The following PPP2R2C variants were observed in gnomAD, a reference collection of about 807,000 sequenced individuals.
PPP2R2C encodes protein phosphatase 2 regulatory subunit Bgamma.
In PPP2R2C, 10 loss-of-function variants were observed where a neutral mutation model predicts 45.3. That is an observed-to-expected ratio of 0.22 (90% CI 0.14 to 0.37). The LOEUF (loss-of-function observed/expected upper bound fraction) is 0.37. Among genes scored for constraint, PPP2R2C ranks in the 10% least tolerant of loss-of-function variants. The pLI, the probability that PPP2R2C is intolerant of heterozygous loss-of-function variation, is 1.00. For missense variants in PPP2R2C, 308 were observed against 619.7 expected (o/e 0.50, Z 5.34); for synonymous variants, 257 against 245.4 (o/e 1.05, Z -0.44).
intron 2 of PPP2R2C, among the ~76,000 whole-genome samples, chr4:6,501,290 G>A (rs1016759295): frequency 1.3e-5 from 2 of 152,172 alleles, no homozygotes; most frequent in Admixed American, 6.5e-5. Context: ...CTCTGATAGT[G>A]GGACCTGATG....
At chr4:6,524,470 G>A (rs982441972) in intron 2 of PPP2R2C, among the ~76,000 whole-genome samples, 5 of 152,188 alleles carry the variant, frequency 3.3e-5, no homozygotes, top group South Asian at 4.1e-4. Context: ...AACGATTCAC[G>A]AATCAGCTGC....
At chr4:6,473,154 G>C (rs1722006056), upstream of PPP2R2C, among the ~76,000 whole-genome samples, 1 of 152,148 alleles carries the variant, frequency 6.6e-6, no homozygotes, top group African/African-American at 2.4e-5. Context: ...GAAATGGCTG[G>C]AGGGGTGATT....
intron 1 of PPP2R2C, among the ~76,000 whole-genome samples, chr4:6,394,874 A>G (rs993223350): frequency 1.3e-5 from 2 of 152,216 alleles, no homozygotes; most frequent in Non-Finnish European, 2.9e-5. Context: ...CGTGTCCATC[A>G]GCCCCCTTCC....
Position 6,373,900 on chromosome 4 carries a change from C to CGTGTGTGT in PPP2R2C, c.448-1201_448-1200insACACACAC, listed in dbSNP as rs1560492609. Among the ~76,000 whole-genome samples the CGTGTGTGT allele has an allele frequency of 5.9e-3, 731 of 123,876 alleles. 2 individuals carry two copies. The highest frequency in any genetic ancestry group is 0.014 in the African/African-American group (409 of 29,110). The allele number at this position is 123,876 out of a possible 152,430, so 81.3% of individuals were successfully genotyped here. On this transcript the variant is annotated intron_variant, in intron 4 of 8. Coordinates refer to ENST00000382599, the MANE Select transcript of PPP2R2C (RefSeq NM_020416.4). ...GACTGAGTATACGTGTATGTGCATGCATGTGTGTGTGTGTGTGTGTGTGTG... is the reference window on the plus strand; with the variant it reads ...GACTGAGTATACGTGTATGTGCATGCGTGTGTGTATGTGTGTGTGTGTGTGTGTGTGTG...
chr4:6,397,377 T>G (rs1302487256), intron 1 of PPP2R2C, among the ~76,000 whole-genome samples: 2 of 152,052 alleles, frequency 1.3e-5, no homozygotes, highest in Admixed American at 1.3e-4. Context: ...ATAAACAGAA[T>G]ATTGTTGCCT....
chr4:6,451,794 A>G (rs980244282), intron 1 of PPP2R2C, among the ~76,000 whole-genome samples: 1 of 152,032 alleles, frequency 6.6e-6, no homozygotes, highest in Admixed American at 6.6e-5. Flanking sequence ...GGGGCCCAAT[A>G]AATGACACCC....
At chr4:6,327,609 G>A (rs1732052910) in intron 8 of PPP2R2C, among the ~76,000 whole-genome samples, 1 of 152,216 alleles carries the variant, frequency 6.6e-6, no homozygotes, top group African/African-American at 2.4e-5. Context: ...ACTGCACCAG[G>A]GAACCCCAAA....
chr4:6,349,646 C>A (rs1712346187), intron 5 of PPP2R2C: 1 of 911,520 alleles, frequency 1.1e-6, no homozygotes, highest in Admixed American at 6.2e-5. Flanking sequence ...CGAGACCATT[C>A]TGGCCAACAC....
chr4:6,515,262 T>C (rs1485580566), intron 2 of PPP2R2C, among the ~76,000 whole-genome samples: 1 of 152,094 alleles, frequency 6.6e-6, no homozygotes, highest in Non-Finnish European at 1.5e-5. Context: ...GCAAAATACT[T>C]CTCTTGTTTG....
At chr4:6,349,057 CCAG>C (rs1712284158) in intron 5 of PPP2R2C, 5 of 985,444 alleles carry the variant, frequency 5.1e-6, no homozygotes, top group Non-Finnish European at 6.0e-6. Context: ...TCCCTGCTGC[CCAG>C]CAGCAGATCA....
chr4:6,543,263 A>G (rs1724865835), intron 1 of PPP2R2C, among the ~76,000 whole-genome samples: 1 of 152,118 alleles, frequency 6.6e-6, no homozygotes, highest in Non-Finnish European at 1.5e-5. Flanking sequence ...CCTCTGCCCA[A>G]TCCTGCTGCC....
At chr4:6,512,650 C>CTATGGTGGTAGTGGTGG (rs1723700607) in intron 2 of PPP2R2C, among the ~76,000 whole-genome samples, 1 of 12,994 alleles carries the variant, frequency 7.7e-5, no homozygotes, top group Non-Finnish European at 2.7e-4. Context: ...GGTGATGGTG[C>CTATGGTGGTAGTGGTGG]TGATGGTGGT....
At chr4:6,446,449 T>C (rs1263423418) in intron 1 of PPP2R2C, among the ~76,000 whole-genome samples, 3 of 152,070 alleles carry the variant, frequency 2.0e-5, no homozygotes, top group Non-Finnish European at 4.4e-5. Context: ...AGACGGATCC[T>C]TGCAAAGATC....
chr4:6,451,555 A>G lies in PPP2R2C; in HGVS notation c.70+20605T>C, dbSNP rs563875583. 5.9e-5 allele frequency among the ~76,000 whole-genome samples: 9 copies of G among 151,700 alleles called. No individual in the cohort carries two copies. In the South Asian group the frequency reaches 1.9e-3, roughly 32 times the overall value. On this transcript the variant is annotated intron_variant, in intron 1 of 8. Coordinates refer to ENST00000382599, the MANE Select transcript of PPP2R2C (RefSeq NM_020416.4). ...TTTGCCAGCTTCTCTCGGGGAGGGG[A>G]CCTGGGTTATAAATCCATCCAGCCT...
rs1484068857 is a variant in PPP2R2C, at chr4:6,423,501, G to A, written c.71-42407C>T. ...TTATAGGCATTAGCCACCACACCCG[G>A]CCCCCACTAGGGATATTTTGGAAAC... On this transcript the variant is annotated intron_variant, in intron 1 of 8. Transcript: ENST00000382599. Among the ~76,000 whole-genome samples the A allele has an allele frequency of 3.3e-5, 5 of 152,212 alleles. No individual in the cohort carries two copies. The East Asian group carries it at 9.6e-4, about 29-fold the overall frequency.
intron 1 of PPP2R2C, among the ~76,000 whole-genome samples, chr4:6,436,371 T>G (rs1458426602): frequency 6.6e-6 from 1 of 152,236 alleles, no homozygotes; most frequent in Non-Finnish European, 1.5e-5. Context: ...TGTCTGAGCT[T>G]TACAGCCATG....
At chr4:6,374,754 C>T (rs1215679518) in intron 4 of PPP2R2C, among the ~76,000 whole-genome samples, 1 of 152,300 alleles carries the variant, frequency 6.6e-6, no homozygotes, top group East Asian at 1.9e-4. Flanking sequence ...CTGAGTTGAA[C>T]CTTGCTCACC....
chr4:6,492,182 C>T (rs1407510644), intron 2 of PPP2R2C, among the ~76,000 whole-genome samples: 1 of 152,244 alleles, frequency 6.6e-6, no homozygotes, highest in Non-Finnish European at 1.5e-5. Flanking sequence ...TGCCTCTCCT[C>T]TCTGTTTCTC....
chr4:6,536,191 G>A (rs896535699), intron 1 of PPP2R2C, among the ~76,000 whole-genome samples: 4 of 152,124 alleles, frequency 2.6e-5, no homozygotes, highest in African/African-American at 9.7e-5. Context: ...TATAAACCCG[G>A]GATTATGGAA....
Sources: gnomAD v4.1 joint callset for allele counts (sites outside exome capture counted in the v4.1 genomes callset) on GRCh38, gnomAD v4.1.1 for gene constraint, MANE v1.5 for transcripts, NCBI Gene and HGNC (gene_info 2026-07-23, HGNC 2026-07-21) for gene names.